TRIM14: variants seen among roughly 807,000 people sequenced by gnomAD.
TRIM14 encodes the protein tripartite motif-containing protein 14.
A neutral mutation model predicts 44.5 loss-of-function variants in TRIM14; 28 were observed. The observed-to-expected ratio is 0.63, with a 90% CI of 0.47 to 0.86. The LOEUF (loss-of-function observed/expected upper bound fraction) is 0.86. TRIM14 is among the 40% of genes least tolerant of loss of function. The probability of loss-of-function intolerance (pLI) is 0.00; values close to 1 mark genes in which losing one functional copy is unlikely to be tolerated. For synonymous variants in TRIM14, 299 were observed against 269.2 expected (o/e 1.11, Z -1.08); for missense variants, 607 against 611.1 (o/e 0.99, Z 0.07).
intron 3 of TRIM14, among the ~76,000 whole-genome samples, chr9:98,098,242 A>G (rs1410428810): frequency 1.6e-4 from 25 of 152,116 alleles, no homozygotes; most frequent in Non-Finnish European, 3.7e-4. Flanking sequence ...ATTAGACACA[A>G]AGTGTTTGCC....
At chr9:98,094,825 T>C (rs779382615) in intron 4 of TRIM14, 42 bp downstream of exon 4, 7 of 1,599,186 alleles carry the variant, frequency 4.4e-6, no homozygotes, top group East Asian at 2.2e-5. Flanking sequence ...TAAAGGACAC[T>C]AGGGGAGTTA....
chr9:98,050,017 G>C, the TRIM14 span, among the ~76,000 whole-genome samples: 1 of 152,180 alleles, frequency 6.6e-6, no homozygotes, highest in East Asian at 1.9e-4. Flanking sequence ...TTTATGGACA[G>C]GAAAAGGAAA....
chr9:98,099,912 G>C lies in TRIM14; in HGVS notation c.537+19C>G, dbSNP rs1263123978. 1.9e-6 allele frequency: 3 copies of C among 1,603,664 alleles called. No homozygotes were observed. The highest frequency in any genetic ancestry group is 2.6e-6 in the Non-Finnish European group (3 of 1,172,514). On this transcript the variant is annotated intron_variant, in intron 3 of 5. Coordinates refer to ENST00000341469, the MANE Select transcript of TRIM14 (RefSeq NM_014788.4). ...TGGGTGGCAGGTGGCAGCAGTAAGA[G>C]CAGTGACCCCAGCATTACCTGAAGC...
chr9:98,104,563 G>A lies in TRIM14; in HGVS notation c.304-4399C>T, dbSNP rs144362618. Among the ~76,000 whole-genome samples the A allele has an allele frequency of 1.7e-3, 262 of 152,310 alleles. 1 individual carries two copies. Among genetic ancestry groups the A allele is most frequent in the Middle Eastern group, 0.017 (5 of 294 alleles). On this transcript the variant is annotated intron_variant, in intron 2 of 5. Coordinates refer to ENST00000341469, the MANE Select transcript of TRIM14 (RefSeq NM_014788.4). ...AAGGGGAGAGAGAGAGAGAGAAAGA[G>A]AGCAAGAGAATATCATGGTCATGAA...
chr9:98,102,349 C>T (rs761498301), intron 2 of TRIM14, among the ~76,000 whole-genome samples: 1 of 152,186 alleles, frequency 6.6e-6, no homozygotes, highest in Admixed American at 6.5e-5. Context: ...AAACTCAATG[C>T]TGTTTTGGTA....
chr9:98,098,719 A>C (rs1826278240), intron 3 of TRIM14, among the ~76,000 whole-genome samples: 1 of 151,976 alleles, frequency 6.6e-6, no homozygotes, highest in South Asian at 2.1e-4. Context: ...AAAAGAAAAA[A>C]GTAGACAGGA....
intron 3 of TRIM14, among the ~76,000 whole-genome samples, chr9:98,098,435 G>C (rs1826261002): frequency 6.6e-6 from 1 of 152,028 alleles, no homozygotes; most frequent in African/African-American, 2.4e-5. Context: ...CCATCGGCCG[G>C]GTGCGGTGGC....
intron 1 of TRIM14, 107 bp from the exon 2 acceptor site, chr9:98,110,091 G>A (rs1345788693): frequency 1.2e-6 from 1 of 823,036 alleles, no homozygotes; most frequent in East Asian, 2.5e-5. Flanking sequence ...TTCCAATGGA[G>A]GCATCTGAAG....
the TRIM14 span, among the ~76,000 whole-genome samples, chr9:98,036,188 C>T: frequency 6.6e-6 from 1 of 150,742 alleles, no homozygotes; most frequent in African/African-American, 2.4e-5. Context: ...CAGAGTGAGA[C>T]TCTGTCTCAA....
Position 98,076,848 on chromosome 9 carries a change from T to C in TRIM14, c.*29-7161A>G, listed in dbSNP as rs115214300. ...GAGGGGTTTTTCTACTTGTATGTTA[T>C]TCCTTGCCTGTCATAACAACAGTGT... is the stretch of plus-strand genomic sequence containing the variant. On this transcript the variant is annotated intron_variant, in intron 6 of 6. Coordinates refer to the TRIM14 transcript ENST00000375098. The C allele has an allele frequency of 1.0e-3, 1,290 of 1,285,482 alleles. 5 individuals are homozygous for C. The African/African-American group carries it at 0.015, about 15-fold the overall frequency. 79.6% of individuals were successfully genotyped at this position (1,285,482 alleles called of 1,614,324 possible).
rs978038419 is a variant in TRIM14, at chr9:98,114,557, C to T, written c.207+4425G>A. Among the ~76,000 whole-genome samples the T allele has an allele frequency of 3.3e-5, 5 of 152,066 alleles. No individual in the cohort carries two copies. In the East Asian group the frequency reaches 5.8e-4, roughly 18 times the overall value. Reference sequence around the variant, plus strand: ...CACCATGGTCTCGATCTCCTGACCTCGTGATCGGCCCGCCTCAGCCTCCCA... The same window carrying T: ...CACCATGGTCTCGATCTCCTGACCTTGTGATCGGCCCGCCTCAGCCTCCCA... On this transcript the variant is annotated intron_variant, in intron 1 of 5. Coordinates refer to ENST00000341469, the MANE Select transcript of TRIM14 (RefSeq NM_014788.4).
the TRIM14 span, chr9:98,056,699 CG>C: frequency 2.1e-6 from 3 of 1,440,358 alleles, no homozygotes; most frequent in Admixed American, 2.3e-5. Context: ...GCTGACGTGG[CG>C]GGGCTGGCGT....
intron 6 of TRIM14, among the ~76,000 whole-genome samples, chr9:98,079,232 C>T (rs2117989351): frequency 6.6e-6 from 1 of 152,324 alleles, no homozygotes; most frequent in South Asian, 2.1e-4. Flanking sequence ...CTCTTACTGT[C>T]TCACGCCATC....
rs1825818717 is a variant in TRIM14, at chr9:98,087,424, T to C, written c.*46A>G. The C allele has an allele frequency of 3.7e-6, 6 of 1,609,124 alleles. No homozygotes were observed. Among genetic ancestry groups the C allele is most frequent in the Non-Finnish European group, 5.1e-6 (6 of 1,176,632 alleles). ...CTGATCTAGGTAGATTAGGCGAGAC[T>C]GGGCAGCTGCGGCGTACCTGGAGGC... On this transcript the variant is annotated 3_prime_UTR_variant, in exon 6 of 6. Transcript: ENST00000341469.
At chr9:98,068,513 G>A (rs956759839), downstream of TRIM14, among the ~76,000 whole-genome samples, 1 of 151,500 alleles carries the variant, frequency 6.6e-6, no homozygotes, top group Non-Finnish European at 1.5e-5. Context: ...TGTCAGTATC[G>A]TTAAAGTAAA....
At chr9:98,096,553 A>C (rs996446409) in intron 3 of TRIM14, among the ~76,000 whole-genome samples, 4 of 152,230 alleles carry the variant, frequency 2.6e-5, no homozygotes, top group African/African-American at 9.6e-5. Context: ...AAATCAATGC[A>C]TGAAACCGAG....
intron 2 of TRIM14, among the ~76,000 whole-genome samples, chr9:98,107,437 C>T (rs895164282): frequency 7.2e-5 from 11 of 152,126 alleles, no homozygotes; most frequent in African/African-American, 1.4e-4. Flanking sequence ...TGCATACTAT[C>T]GGATTAGTGG....
intron 1 of TRIM14, among the ~76,000 whole-genome samples, chr9:98,117,431 G>C (rs1221993446): frequency 6.6e-6 from 1 of 152,026 alleles, no homozygotes; most frequent in African/African-American, 2.4e-5. Flanking sequence ...CTGAGTAGCT[G>C]GGATTACAGA....
chr9:98,063,589 T>G, the TRIM14 span, among the ~76,000 whole-genome samples: 1 of 152,004 alleles, frequency 6.6e-6, no homozygotes, highest in Non-Finnish European at 1.5e-5. Context: ...TCACCCATGC[T>G]GGAGTGCAAC....
Sources: allele counts gnomAD v4.1 joint callset (sites outside exome capture counted in the v4.1 genomes callset), GRCh38; gene constraint gnomAD v4.1.1; transcripts MANE v1.5; gene names NCBI Gene and HGNC (gene_info 2026-07-23, HGNC 2026-07-21).